Variants in ATP6V1H observed in about 807,000 individuals in gnomAD.
ATP6V1H encodes ATPase H+ transporting V1 subunit H.
In ATP6V1H, 39 loss-of-function variants were observed where a neutral mutation model predicts 71.7. The observed-to-expected ratio is 0.54, with a 90% confidence interval of 0.42 to 0.71. The LOEUF is 0.71. Among genes scored for constraint, ATP6V1H ranks in the 30% least tolerant of loss-of-function variants. ATP6V1H has a pLI of 0.00. For missense variants in ATP6V1H, 509 were observed against 594.9 expected (o/e 0.86, Z 1.50); for synonymous variants, 192 against 199.3 (o/e 0.96, Z 0.31).
intron 12 of ATP6V1H, among the ~76,000 whole-genome samples, chr8:53,751,205 G>A (rs1243541042): frequency 1.3e-5 from 2 of 152,196 alleles, no homozygotes; most frequent in Non-Finnish European, 1.5e-5. Flanking sequence ...CAATATGTCT[G>A]ATGAAGTGCT....
chr8:53,762,404 T>C (rs1396831543), intron 11 of ATP6V1H, among the ~76,000 whole-genome samples: 1 of 152,020 alleles, frequency 6.6e-6, no homozygotes, highest in Non-Finnish European at 1.5e-5. Context: ...TAAAATAATA[T>C]CAATTCCCCC....
chr8:53,783,009 T>C (rs970886214), intron 9 of ATP6V1H, among the ~76,000 whole-genome samples: 2 of 152,214 alleles, frequency 1.3e-5, no homozygotes, highest in African/African-American at 2.4e-5. Context: ...TTCTCTTTTT[T>C]TGTTGTGTCT....
intron 13 of ATP6V1H, among the ~76,000 whole-genome samples, chr8:53,731,731 G>C (rs930607941): frequency 6.6e-6 from 1 of 152,202 alleles, no homozygotes; most frequent in Non-Finnish European, 1.5e-5. Flanking sequence ...TCTGCAGCTC[G>C]TCCTGCTACA....
intron 12 of ATP6V1H, among the ~76,000 whole-genome samples, chr8:53,755,720 ATATATATATATAT>A (rs1808015646): frequency 3.7e-4 from 2 of 5,432 alleles, no homozygotes; most frequent in African/African-American, 2.1e-3. Context: ...ATATATATAT[ATATATATATATAT>A]ATATATATAT....
intron 13 of ATP6V1H, among the ~76,000 whole-genome samples, chr8:53,721,227 CTTT>C (rs1806600528): frequency 6.6e-6 from 1 of 152,050 alleles, no homozygotes; most frequent in Admixed American, 6.5e-5. Context: ...ATTCCTCTGG[CTTT>C]TATCATGATT....
intron 13 of ATP6V1H, chr8:53,739,561 G>GT (rs780515809): frequency 6.6e-6 from 1 of 152,202 alleles, no homozygotes; most frequent in Non-Finnish European, 1.5e-5. Context: ...ACAAAAGTCA[G>GT]TGTTTCTTTC....
chr8:53,797,488 C>T (rs542217296), intron 8 of ATP6V1H, among the ~76,000 whole-genome samples: 2 of 152,314 alleles, frequency 1.3e-5, no homozygotes, highest in South Asian at 4.1e-4. Flanking sequence ...GAGGCTTTTC[C>T]TCGGAGTTCA....
At chr8:53,726,497 T>C (rs1316043589) in intron 13 of ATP6V1H, among the ~76,000 whole-genome samples, 1 of 152,180 alleles carries the variant, frequency 6.6e-6, no homozygotes, top group Non-Finnish European at 1.5e-5. Flanking sequence ...TTAAAGTAAA[T>C]CATGACTATC....
chr8:53,719,341 T>A (rs1002758652), intron 13 of ATP6V1H, among the ~76,000 whole-genome samples: 1 of 152,170 alleles, frequency 6.6e-6, no homozygotes, highest in Non-Finnish European at 1.5e-5. Context: ...CGGCTAATTT[T>A]TGTATTTTCA....
chr8:53,811,049 A>G (rs1350674865), intron 7 of ATP6V1H, 115 bp downstream of exon 7: 1 of 732,576 alleles, frequency 1.4e-6, no homozygotes, highest in East Asian at 2.5e-5. Context: ...ACCTAACTGG[A>G]GGTGACCATG....
chr8:53,839,648 T>C lies in ATP6V1H; in HGVS notation c.113+1930A>G, dbSNP rs16919591. ...ACCCTTCATGCTGCTAGTAGAACAA[T>C]TCAATCAAGAGGCAGATATGGTCTT... is the stretch of plus-strand genomic sequence containing the variant. On this transcript the variant is annotated intron_variant, in intron 2 of 13. Transcript: ENST00000359530. 6.6e-3 allele frequency: 6,487 copies of C among 985,424 alleles called. 327 individuals carry two copies. The African/African-American group carries it at 0.1, about 16-fold the overall frequency. 61.0% of individuals were successfully genotyped at this position (985,424 alleles called of 1,614,324 possible). A position where few individuals can be genotyped will look rare whatever the true frequency, so the allele number is the denominator to read the frequency against.
intron 13 of ATP6V1H, among the ~76,000 whole-genome samples, chr8:53,718,174 G>A (rs886268109): frequency 3.3e-5 from 5 of 152,134 alleles, no homozygotes; most frequent in Non-Finnish European, 7.3e-5. Flanking sequence ...ATACTTAGCA[G>A]ACAACAAGTG....
Position 53,839,299 on chromosome 8 carries a change from T to C in ATP6V1H, c.113+2279A>G, listed in dbSNP as rs372093424. 3.0e-4 allele frequency among the ~76,000 whole-genome samples: 46 copies of C among 152,298 alleles called. 2 individuals carry two copies. The highest frequency in any genetic ancestry group is 9.9e-4 in the African/African-American group (41 of 41,572). On this transcript the variant is annotated intron_variant, in intron 2 of 13. Transcript: ENST00000359530. The stretch of plus-strand genomic sequence containing the variant: ...TTTATAAACATAAAACTCCCTGTCC[T>C]CTAGTCTAAATGCACTCTGGACTAA...
At chr8:53,770,219 T>C (rs537025327) in intron 10 of ATP6V1H, among the ~76,000 whole-genome samples, 2 of 152,270 alleles carry the variant, frequency 1.3e-5, no homozygotes, top group Admixed American at 6.5e-5. Flanking sequence ...TCACACTTAT[T>C]GGCACAATAT....
intron 3 of ATP6V1H, chr8:53,832,641 C>CTAAA (rs1811044707): frequency 6.2e-6 from 1 of 162,348 alleles, no homozygotes; most frequent in Non-Finnish European, 1.3e-5. Flanking sequence ...AAGTGATATC[C>CTAAA]CTTTTAACTT....
intron 9 of ATP6V1H, among the ~76,000 whole-genome samples, chr8:53,777,944 ACT>A (rs1808952200): frequency 6.6e-6 from 1 of 152,126 alleles, no homozygotes; most frequent in Non-Finnish European, 1.5e-5. Flanking sequence ...AATATAAAAC[ACT>A]GTTTTTCCCT....
At chr8:53,732,682 AG>A (rs973989682) in intron 13 of ATP6V1H, among the ~76,000 whole-genome samples, 5 of 151,628 alleles carry the variant, frequency 3.3e-5, no homozygotes. Context: ...GAAAAAAAAA[AG>A]TAACAGTAAG....
At chr8:53,817,335 C>T in intron 5 of ATP6V1H, 82 bp downstream of exon 5, 1 of 944,716 alleles carries the variant, frequency 1.1e-6, no homozygotes, top group Non-Finnish European at 1.6e-6. Context: ...CCCTAAAGTT[C>T]AAGACCAGCC....
chr8:53,782,680 C>G (rs1296075519), intron 9 of ATP6V1H, among the ~76,000 whole-genome samples: 3 of 151,900 alleles, frequency 2.0e-5, no homozygotes, highest in Admixed American at 6.6e-5. Context: ...CTGTGGGTTT[C>G]TCATAGATAG....
Sources: gnomAD v4.1 joint callset for allele counts (sites outside exome capture counted in the v4.1 genomes callset) on GRCh38, gnomAD v4.1.1 for gene constraint, MANE v1.5 for transcripts, NCBI Gene and HGNC (gene_info 2026-07-23, HGNC 2026-07-21) for gene names.